The following PRELID2 variants were observed in gnomAD, a reference collection of about 807,000 sequenced individuals.
PRELID2 encodes PRELI domain containing 2.
PRELID2 carries 25 observed loss-of-function variants against 28.4 expected under a neutral mutation model. The ratio of observed to expected loss-of-function variants is 0.88; its 90% CI spans 0.64 to 1.23. The LOEUF (loss-of-function observed/expected upper bound fraction) is 1.23, where lower values mean the gene tolerates loss of function less well. PRELID2 is among the 50% of genes most tolerant of loss of function. The pLI, the probability that PRELID2 is intolerant of heterozygous loss-of-function variation, is 0.00. For synonymous variants in PRELID2, 76 were observed against 71.6 expected (o/e 1.06, Z -0.31); for missense variants, 201 against 214.4 (o/e 0.94, Z 0.39).
intron 1 of PRELID2, among the ~76,000 whole-genome samples, chr5:145,500,039 C>A (rs1264814311): frequency 6.6e-6 from 1 of 152,106 alleles, no homozygotes; most frequent in African/African-American, 2.4e-5. Flanking sequence ...TTGGAAAAGT[C>A]CAGCAATTAT....
the PRELID2 span, among the ~76,000 whole-genome samples, chr5:145,446,782 C>G: frequency 6.6e-6 from 1 of 152,096 alleles, no homozygotes; most frequent in Non-Finnish European, 1.5e-5. Context: ...AGCAGTGGCT[C>G]ACGCCTGTAA....
the PRELID2 span, among the ~76,000 whole-genome samples, chr5:145,340,257 T>C: frequency 6.6e-6 from 1 of 152,116 alleles, no homozygotes; most frequent in Admixed American, 6.5e-5. Flanking sequence ...AACCTGCCAA[T>C]ATCACCACAG....
chr5:145,751,475 T>G (rs116553446), downstream of PRELID2, among the ~76,000 whole-genome samples: 634 of 152,350 alleles, frequency 4.2e-3, 4 homozygotes, highest in African/African-American at 0.014. Flanking sequence ...GCAATTGCCA[T>G]TCTTTGGTAT....
the PRELID2 span, among the ~76,000 whole-genome samples, chr5:145,394,283 G>C: frequency 6.6e-6 from 1 of 151,980 alleles, no homozygotes; most frequent in African/African-American, 2.4e-5. Context: ...TCCTTTGTAG[G>C]GACATGGATG....
intron 1 of PRELID2, among the ~76,000 whole-genome samples, chr5:145,647,818 G>A (rs1420343845): frequency 1.3e-5 from 2 of 152,138 alleles, no homozygotes; most frequent in Admixed American, 6.5e-5. Context: ...TGCGCTTCCC[G>A]GGTTATGCGA....
chr5:145,442,258 A>C, the PRELID2 span, among the ~76,000 whole-genome samples: 1 of 152,080 alleles, frequency 6.6e-6, no homozygotes, highest in Non-Finnish European at 1.5e-5. Flanking sequence ...CATGCAATTG[A>C]AATGTGAGTT....
At chr5:145,753,221 G>A (rs1554089255), downstream of PRELID2, among the ~76,000 whole-genome samples, 1 of 152,132 alleles carries the variant, frequency 6.6e-6, no homozygotes, top group Non-Finnish European at 1.5e-5. Context: ...ACAGGATAGT[G>A]GCTGCTATTT....
At chr5:145,371,256 T>C in the PRELID2 span, among the ~76,000 whole-genome samples, 1 of 152,170 alleles carries the variant, frequency 6.6e-6, no homozygotes, top group African/African-American at 2.4e-5. Flanking sequence ...GTATTTGTCA[T>C]AAATAGCTCT....
chr5:145,461,528 T>C, the PRELID2 span, among the ~76,000 whole-genome samples: 21 of 152,322 alleles, frequency 1.4e-4, no homozygotes, highest in African/African-American at 4.8e-4. Flanking sequence ...GGTCTCAATC[T>C]CCTGACCTTG....
intron 1 of PRELID2, among the ~76,000 whole-genome samples, chr5:145,535,103 C>T (rs1752687858): frequency 6.6e-6 from 1 of 152,008 alleles, no homozygotes; most frequent in East Asian, 1.9e-4. Flanking sequence ...ATTTGTAATA[C>T]AGACATATGT....
the PRELID2 span, among the ~76,000 whole-genome samples, chr5:145,411,024 A>G: frequency 6.6e-6 from 1 of 152,112 alleles, no homozygotes; most frequent in Non-Finnish European, 1.5e-5. Context: ...TGGCCAAAAT[A>G]AAGGGCCTAC....
At chr5:145,729,348 C>T (rs891685315) in intron 1 of PRELID2, 8 of 708,994 alleles carry the variant, frequency 1.1e-5, no homozygotes, top group Non-Finnish European at 1.8e-5. Flanking sequence ...CCATATCATG[C>T]CTCTGTTCTC....
chr5:145,470,455 A>G (rs1236414197), downstream of PRELID2, among the ~76,000 whole-genome samples: 5 of 139,086 alleles, frequency 3.6e-5, no homozygotes, highest in Non-Finnish European at 6.3e-5. Context: ...GTAACCTGCT[A>G]AGCCTGTCAG....
At chr5:145,389,117 T>A in the PRELID2 span, among the ~76,000 whole-genome samples, 1 of 152,162 alleles carries the variant, frequency 6.6e-6, no homozygotes, top group Non-Finnish European at 1.5e-5. Context: ...GATTATTTCA[T>A]TCCTTATCTC....
At chr5:145,738,553 A>G (rs1352338590) in intron 1 of PRELID2, among the ~76,000 whole-genome samples, 1 of 152,214 alleles carries the variant, frequency 6.6e-6, no homozygotes, top group Non-Finnish European at 1.5e-5. Flanking sequence ...TAAAAATGCA[A>G]GAGATGGGCT....
intron 5 of PRELID2, among the ~76,000 whole-genome samples, chr5:145,766,677 G>A (rs1303257537): frequency 6.6e-6 from 1 of 152,114 alleles, no homozygotes; most frequent in Non-Finnish European, 1.5e-5. Context: ...CAAACCACAG[G>A]ACCAGGAGCA....
At chr5:145,559,890 T>C (rs972545944) in intron 1 of PRELID2, among the ~76,000 whole-genome samples, 29 of 151,096 alleles carry the variant, frequency 1.9e-4, no homozygotes, top group African/African-American at 6.6e-4. Context: ...CTCTTTATTG[T>C]ATAGGAGAAG....
the PRELID2 span, among the ~76,000 whole-genome samples, chr5:145,328,766 G>A: frequency 2.0e-5 from 3 of 152,022 alleles, no homozygotes; most frequent in African/African-American, 7.2e-5. Context: ...CTATGCAGAA[G>A]CTCTTTAGTT....
rs140241758 is a variant in PRELID2, at chr5:145,559,240, C to T, written n.71-85925G>A. Reference sequence around the variant, plus strand: ...CTGCACTCCAGCCTGGGCGACTGAGCGAGACTTCATCTCAAAAGAAAAAAA... The same window carrying T: ...CTGCACTCCAGCCTGGGCGACTGAGTGAGACTTCATCTCAAAAGAAAAAAA... On this transcript the variant is annotated intron_variant and non_coding_transcript_variant, in intron 1 of 2. Coordinates refer to the PRELID2 transcript ENST00000510259. Among the ~76,000 whole-genome samples the T allele has an allele frequency of 2.3e-4, 34 of 147,248 alleles. 1 individual carries two copies. The East Asian group carries it at 6.8e-3, about 29-fold the overall frequency.
Sources: allele counts gnomAD v4.1 joint callset (sites outside exome capture counted in the v4.1 genomes callset), GRCh38; gene constraint gnomAD v4.1.1; transcripts MANE v1.5; gene names NCBI Gene and HGNC (gene_info 2026-07-23, HGNC 2026-07-21).